MPP7: variants seen among roughly 807,000 people sequenced by gnomAD.
The protein encoded by MPP7 is MAGUK p55 subfamily member 7.
A neutral mutation model predicts 76.5 loss-of-function variants in MPP7; 60 were observed. The ratio of observed to expected loss-of-function variants is 0.78; its 90% CI spans 0.64 to 0.97. MPP7 has a LOEUF of 0.97. Among genes scored for constraint, MPP7 ranks in the 50% least tolerant of loss-of-function variants. MPP7 has a pLI of 0.00. For synonymous variants in MPP7, 237 were observed against 244.5 expected (o/e 0.97, Z 0.29); for missense variants, 641 against 694.0 (o/e 0.92, Z 0.86).
chr10:28,171,057 C>A (rs1836663479), intron 3 of MPP7, among the ~76,000 whole-genome samples: 1 of 152,148 alleles, frequency 6.6e-6, no homozygotes, highest in Non-Finnish European at 1.5e-5. Flanking sequence ...TATAAAAATT[C>A]TCAAAATGTC....
At chr10:28,195,949 T>C (rs1837568194) in intron 3 of MPP7, among the ~76,000 whole-genome samples, 1 of 152,238 alleles carries the variant, frequency 6.6e-6, no homozygotes, top group South Asian at 2.1e-4. Flanking sequence ...GTGAATTATA[T>C]AGCTCAACAA....
chr10:28,064,361 C>A (rs1851908969), intron 13 of MPP7, among the ~76,000 whole-genome samples: 1 of 152,202 alleles, frequency 6.6e-6, no homozygotes. Flanking sequence ...AAAGTGGATG[C>A]ATACTGTATA....
chr10:28,263,378 C>T (rs1231043902), intron 1 of MPP7, among the ~76,000 whole-genome samples: 2 of 151,892 alleles, frequency 1.3e-5, no homozygotes, highest in African/African-American at 2.4e-5. Flanking sequence ...ATTCAGAACA[C>T]GGAAACTGTT....
chr10:28,115,092 GTTTT>G (rs1564637657), intron 11 of MPP7, among the ~76,000 whole-genome samples: 2 of 148,524 alleles, frequency 1.3e-5, no homozygotes, highest in East Asian at 4.2e-4. Context: ...TTGTTTGTTT[GTTTT>G]GTTTTTTGTT....
At chr10:28,297,976 G>A (rs562512811) in intron 1 of MPP7, among the ~76,000 whole-genome samples, 1 of 152,252 alleles carries the variant, frequency 6.6e-6, no homozygotes, top group South Asian at 2.1e-4. Context: ...ATCCATTCGA[G>A]TTTGATAATA....
chr10:28,216,605 GT>G (rs1483137809), intron 2 of MPP7, among the ~76,000 whole-genome samples: 3 of 152,120 alleles, frequency 2.0e-5, no homozygotes, highest in Non-Finnish European at 4.4e-5. Context: ...CTTTATTGAG[GT>G]AATTAGAAAT....
chr10:28,292,962 G>A (rs926826165), intron 1 of MPP7, among the ~76,000 whole-genome samples: 3 of 150,318 alleles, frequency 2.0e-5, no homozygotes, highest in Admixed American at 6.6e-5. Context: ...GGGAAAATTC[G>A]TTTGCCATAG....
chr10:28,260,079 T>C (rs561251316), intron 1 of MPP7, among the ~76,000 whole-genome samples: 5 of 152,306 alleles, frequency 3.3e-5, no homozygotes, highest in Middle Eastern at 3.4e-3. Flanking sequence ...TTAGGAAACA[T>C]TGATATTTAA....
chr10:28,140,297 C>T lies in MPP7; in HGVS notation c.315+7186G>A, dbSNP rs561106332. Among the ~76,000 whole-genome samples, 224 of 152,154 alleles carry T rather than the reference C, an allele frequency of 1.5e-3. 1 individual carries two copies. Among genetic ancestry groups the T allele is most frequent in the South Asian group, 4.1e-3 (20 of 4,828 alleles). ...AGGCTGGGGCAGGCGGATCACCAGA[C>T]GTCAGAAGTTCGACACCAGCCTGGC... On this transcript the variant is annotated intron_variant, in intron 5 of 16. Coordinates refer to ENST00000683449, the MANE Select transcript of MPP7 (RefSeq NM_001318170.2).
At chr10:28,269,843 C>T (rs1589010048) in intron 1 of MPP7, among the ~76,000 whole-genome samples, 1 of 152,126 alleles carries the variant, frequency 6.6e-6, no homozygotes, top group East Asian at 1.9e-4. Flanking sequence ...CTTCAAAGTA[C>T]ATAAGATTAG....
chr10:28,118,421 A>C, intron 11 of MPP7: 1 of 983,484 alleles, frequency 1.0e-6, no homozygotes, highest in Non-Finnish European at 1.2e-6. Context: ...AATTACATTT[A>C]TTTCATCTTT....
intron 2 of MPP7, among the ~76,000 whole-genome samples, chr10:28,217,991 C>T (rs1364663970): frequency 6.6e-6 from 1 of 152,222 alleles, no homozygotes; most frequent in African/African-American, 2.4e-5. Flanking sequence ...GATTTACTAA[C>T]ACATATTGGG....
rs915880751 is a variant in MPP7 at position 28,147,421 on chromosome 10, T to C, written c.315+62A>G. On this transcript the variant is annotated intron_variant, in intron 5 of 16. Coordinates refer to ENST00000683449, the MANE Select transcript of MPP7 (RefSeq NM_001318170.2). ...GAATTGATGCTCGAAACAAAATTCA[T>C]CTGAAGGCTCAGAAAGTGGCCCTGT... 7 of 1,320,118 alleles carry C rather than the reference T, an allele frequency of 5.3e-6. No homozygotes were observed. The African/African-American group carries it at 7.2e-5, about 14-fold the overall frequency. 81.8% of individuals were successfully genotyped at this position (1,320,118 alleles called of 1,614,324 possible).
At chr10:28,306,668 T>TAGAGAGAGAGAGAGAGAGAG (rs55731439), upstream of MPP7, among the ~76,000 whole-genome samples, 1,945 of 148,394 alleles carry the variant, frequency 0.013, 52 homozygotes, top group African/African-American at 0.045. Context: ...GATAGATAGA[T>TAGAGAGAGAGAGAGAGAGAG]AGAGAGAGAG....
intron 12 of MPP7, among the ~76,000 whole-genome samples, chr10:28,075,348 C>A (rs1193312492): frequency 6.6e-6 from 1 of 152,070 alleles, no homozygotes; most frequent in Non-Finnish European, 1.5e-5. Context: ...CATACCCACA[C>A]CTGAACCACA....
chr10:28,062,233 G>A (rs1449234868), intron 13 of MPP7, among the ~76,000 whole-genome samples: 1 of 152,094 alleles, frequency 6.6e-6, no homozygotes, highest in East Asian at 1.9e-4. Flanking sequence ...TAGGCTGGGG[G>A]AAAGGGTCTT....
intron 1 of MPP7, among the ~76,000 whole-genome samples, chr10:28,272,209 A>T (rs894464056): frequency 5.3e-5 from 8 of 152,138 alleles, no homozygotes; most frequent in African/African-American, 1.9e-4. Context: ...CTTCAGCCAA[A>T]CTAAAATGCA....
At chr10:28,222,401 C>A (rs939861543) in intron 2 of MPP7, among the ~76,000 whole-genome samples, 2 of 151,900 alleles carry the variant, frequency 1.3e-5, no homozygotes, top group African/African-American at 4.8e-5. Flanking sequence ...AGGAGGATCA[C>A]CTGGGCCTGG....
chr10:28,126,776 T>C (rs1435038868), intron 6 of MPP7, among the ~76,000 whole-genome samples: 3 of 152,180 alleles, frequency 2.0e-5, no homozygotes, highest in African/African-American at 7.2e-5. Flanking sequence ...TATAAGAAGA[T>C]CTGTAGCTGC....
Sources: gnomAD v4.1 joint callset for allele counts (sites outside exome capture counted in the v4.1 genomes callset) on GRCh38, gnomAD v4.1.1 for gene constraint, MANE v1.5 for transcripts, NCBI Gene and HGNC (gene_info 2026-07-23, HGNC 2026-07-21) for gene names.